FGD4: variants seen among roughly 807,000 people sequenced by gnomAD.
FGD4 encodes FYVE, RhoGEF and PH domain-containing protein 4.
Under a neutral mutation model 102.0 loss-of-function variants are expected in FGD4, and 42 were observed. The ratio of observed to expected loss-of-function variants is 0.41; its 90% CI spans 0.32 to 0.53. FGD4 has a LOEUF of 0.53. FGD4 is among the 20% of genes least tolerant of loss of function. The probability of loss-of-function intolerance (pLI) is 0.21; values close to 1 mark genes in which losing one functional copy is unlikely to be tolerated. For synonymous variants in FGD4, 380 were observed against 375.7 expected, an observed-to-expected ratio of 1.01 and a Z score of -0.13; for missense variants, 902 against 1,078.2, an observed-to-expected ratio of 0.84 and a Z score of 2.29.
At chr12:32,444,218 C>A (rs1188282965) in intron 1 of FGD4, among the ~76,000 whole-genome samples, 9 of 151,690 alleles carry the variant, frequency 5.9e-5, no homozygotes. Context: ...GAGACAGGGT[C>A]TTACTATGTT....
intron 2 of FGD4, among the ~76,000 whole-genome samples, chr12:32,571,262 C>A (rs990242618): frequency 6.6e-6 from 1 of 152,110 alleles, no homozygotes; most frequent in Non-Finnish European, 1.5e-5. Context: ...TGAGGCCAAC[C>A]TGGCCAACAT....
intron 1 of FGD4, among the ~76,000 whole-genome samples, chr12:32,547,060 TA>T (rs1943280235): frequency 6.6e-6 from 1 of 152,200 alleles, no homozygotes; most frequent in South Asian, 2.1e-4. Flanking sequence ...GTGACTTGTG[TA>T]CCTGCTCAGT....
intron 1 of FGD4, among the ~76,000 whole-genome samples, chr12:32,409,360 C>T (rs1941102914): frequency 6.7e-6 from 1 of 148,844 alleles, no homozygotes; most frequent in Admixed American, 6.8e-5. Flanking sequence ...GCGATCTCCG[C>T]TCCCTGCAAC....
chr12:32,516,969 A>G (rs1939956788), intron 1 of FGD4, among the ~76,000 whole-genome samples: 1 of 152,172 alleles, frequency 6.6e-6, no homozygotes, highest in South Asian at 2.1e-4. Flanking sequence ...GGAAATGATG[A>G]TAATTTAAAT....
At chr12:32,421,168 T>C (rs907469014) in intron 1 of FGD4, among the ~76,000 whole-genome samples, 3 of 152,216 alleles carry the variant, frequency 2.0e-5, no homozygotes, top group African/African-American at 7.2e-5. Context: ...GATGACTTAG[T>C]GGCTTTGCTA....
At position 32,640,574 on chromosome 12, in the gene FGD4, T is replaced by TA. The variant is rs776011787; in HGVS notation, c.*42dup. The TA allele has an allele frequency of 2.5e-6, 4 of 1,612,518 alleles. No individual in the cohort carries two copies. Among genetic ancestry groups the TA allele is most frequent in the Non-Finnish European group, 3.4e-6 (4 of 1,179,978 alleles). ...GCCATGGTGTGGAGGTCTCAGGACT[T>TA]ACAGCTCAAGACATTCCCAGCTCTT... On this transcript the variant is annotated 3_prime_UTR_variant, in exon 17 of 17. Coordinates refer to ENST00000534526, the MANE Select transcript of FGD4 (RefSeq NM_001370298.3).
At chr12:32,442,508 A>G (rs1483336431) in intron 1 of FGD4, among the ~76,000 whole-genome samples, 2 of 147,322 alleles carry the variant, frequency 1.4e-5, no homozygotes, top group African/African-American at 5.0e-5. Context: ...GGGTGGGGTG[A>G]TAGATGGAGC....
At chr12:32,477,867 T>G (rs2388991) in intron 1 of FGD4, among the ~76,000 whole-genome samples, 16,840 of 152,196 alleles carry the variant, frequency 0.11, 1,012 homozygotes, top group Middle Eastern at 0.29. Flanking sequence ...GTGCAGCTGT[T>G]TGTAGATTGG....
At chr12:32,625,554 A>G (rs894907660) in intron 13 of FGD4, 100 bp from the exon 14 acceptor site, 14 of 1,428,540 alleles carry the variant, frequency 9.8e-6, no homozygotes, top group East Asian at 5.0e-5. Flanking sequence ...ATAGTTCAGA[A>G]CATGGTTTGA....
chr12:32,550,995 A>C lies in FGD4; in HGVS notation c.167-13142A>C, dbSNP rs186591870. On this transcript the variant is annotated intron_variant, in intron 1 of 16. Coordinates refer to ENST00000534526, the MANE Select transcript of FGD4 (RefSeq NM_001370298.3). ...CATCTTTGTTGAATAAGAGATTCAT[A>C]CTTGATATACAAGGTCCATACATTT... 6.6e-5 allele frequency among the ~76,000 whole-genome samples: 10 copies of C among 152,322 alleles called. No individual in the cohort carries two copies. The East Asian group carries it at 1.9e-3, about 29-fold the overall frequency.
In FGD4 at chr12:32,608,022, C is replaced by A. The variant is rs16920084; in HGVS notation, c.1470C>A (p.Pro490=). The A allele has an allele frequency of 2.2e-5, 35 of 1,614,044 alleles. No homozygotes were observed. The highest frequency in any genetic ancestry group is 2.8e-5 in the Non-Finnish European group (33 of 1,180,020). Residue 490 remains proline (P), a synonymous_variant, in exon 8 of 17, where the codon CCC becomes CCA. Coordinates refer to ENST00000534526, the MANE Select transcript of FGD4 (RefSeq NM_001370298.3). ...HHMLEPVQRI[P]RYEMLLKDYL... ...TGCTAGAACCTGTTCAGCGGATTCC[C>A]CGGTATGAGATGCTCCTTAAGGACT...
At chr12:32,557,757 G>A (rs1175123046) in intron 1 of FGD4, among the ~76,000 whole-genome samples, 1 of 152,166 alleles carries the variant, frequency 6.6e-6, no homozygotes, top group Non-Finnish European at 1.5e-5. Flanking sequence ...CATAGCAAGA[G>A]AGTTGTAAAC....
intron 4 of FGD4, among the ~76,000 whole-genome samples, chr12:32,583,520 T>C (rs2136445421): frequency 6.6e-6 from 1 of 152,314 alleles, no homozygotes; most frequent in East Asian, 1.9e-4. Context: ...CTTAAATGGC[T>C]AAATGCAAGA....
At chr12:32,556,583 G>A (rs1472837406) in intron 1 of FGD4, among the ~76,000 whole-genome samples, 1 of 152,062 alleles carries the variant, frequency 6.6e-6, no homozygotes, top group Non-Finnish European at 1.5e-5. Context: ...CCTGCTGGGC[G>A]CAGTGGCTCA....
chr12:32,603,742 A>T (rs1565895756), intron 7 of FGD4, among the ~76,000 whole-genome samples: 1 of 148,986 alleles, frequency 6.7e-6, no homozygotes, highest in Non-Finnish European at 1.5e-5. Context: ...TGCTCTTGTC[A>T]CCCAGGCTAG....
chr12:32,403,488 G>T (rs1940778437), intron 1 of FGD4, among the ~76,000 whole-genome samples: 1 of 152,128 alleles, frequency 6.6e-6, no homozygotes, highest in African/African-American at 2.4e-5. Context: ...AGCTACTTGG[G>T]AGGCTGAGGC....
At chr12:32,561,093 T>G (rs1448004975) in intron 1 of FGD4, among the ~76,000 whole-genome samples, 1 of 127,932 alleles carries the variant, frequency 7.8e-6, no homozygotes, top group African/African-American at 2.9e-5. Flanking sequence ...TTTTTTTTTT[T>G]TTTTTTTTGA....
Position 32,576,458 on chromosome 12 carries a change from T to C in FGD4, c.503+9T>C. ...CGCTTTGAAGGAGGCAGGTAAGAGC[T>C]AATTTACAATGGGAGAAGGCAGGAG... On this transcript the variant is annotated intron_variant, in intron 3 of 16. Transcript: ENST00000534526. 1.2e-6 allele frequency: 2 copies of C among 1,614,058 alleles called. No homozygotes were observed. The highest frequency in any genetic ancestry group is 3.3e-5 in the Admixed American group (2 of 60,024).
In FGD4 at chr12:32,632,883, A is replaced by G. The variant is rs76648788; in HGVS notation, c.2173-666A>G. Among the ~76,000 whole-genome samples, 1,480 of 151,726 alleles carry G rather than the reference A, an allele frequency of 9.8e-3. 23 individuals carry two copies. The highest frequency in any genetic ancestry group is 0.035 in the East Asian group (180 of 5,126). Reference sequence around the variant, plus strand: ...ACACCCAGTCAGATTAGCATTTTTAAGAGGGTGTCACTCCACTGTTTGGAA... The same window carrying G: ...ACACCCAGTCAGATTAGCATTTTTAGGAGGGTGTCACTCCACTGTTTGGAA... On this transcript the variant is annotated intron_variant, in intron 14 of 16. Coordinates refer to ENST00000534526, the MANE Select transcript of FGD4 (RefSeq NM_001370298.3).
Sources: allele counts gnomAD v4.1 joint callset (sites outside exome capture counted in the v4.1 genomes callset), GRCh38; gene constraint gnomAD v4.1.1; transcripts MANE v1.5; gene names NCBI Gene and HGNC (gene_info 2026-07-23, HGNC 2026-07-21).